NCKAP5: variants seen among roughly 807,000 people sequenced by gnomAD.
The protein encoded by NCKAP5 is NCK associated protein 5.
NCKAP5 carries 92 observed loss-of-function variants against 167.0 expected under a neutral mutation model. That is an observed-to-expected ratio of 0.55 (90% CI 0.47 to 0.66). NCKAP5 has a LOEUF of 0.66. Among genes scored for constraint, NCKAP5 ranks in the 30% least tolerant of loss-of-function variants. The pLI is 0.00. For synonymous variants in NCKAP5, 891 were observed against 877.4 expected, an observed-to-expected ratio of 1.02 and a Z score of -0.27; for missense variants, 2,378 against 2,315.0, an observed-to-expected ratio of 1.03 and a Z score of -0.56.
At chr2:133,569,689 A>G (rs911181069), upstream of NCKAP5, among the ~76,000 whole-genome samples, 2 of 152,172 alleles carry the variant, frequency 1.3e-5, no homozygotes, top group Non-Finnish European at 2.9e-5. Context: ...CAATGACCTC[A>G]CATCTCACTA....
At chr2:133,551,276 G>A (rs1397149855) in intron 2 of NCKAP5, among the ~76,000 whole-genome samples, 59 of 150,636 alleles carry the variant, frequency 3.9e-4, no homozygotes, top group Non-Finnish European at 5.6e-4. Context: ...AAAAGAGCCC[G>A]CATCACCAAG....
chr2:133,384,704 C>G (rs1686800127), intron 3 of NCKAP5, among the ~76,000 whole-genome samples: 2 of 152,168 alleles, frequency 1.3e-5, no homozygotes, highest in African/African-American at 4.8e-5. Flanking sequence ...AATGTTCTTC[C>G]ATTTGTTTGT....
chr2:133,047,624 T>C (rs1009335703), intron 6 of NCKAP5, among the ~76,000 whole-genome samples: 1 of 152,242 alleles, frequency 6.6e-6, no homozygotes, highest in African/African-American at 2.4e-5. Context: ...ATGATAATGA[T>C]GTAAATGCAG....
At chr2:132,743,571 T>C (rs1679389254) in intron 16 of NCKAP5, among the ~76,000 whole-genome samples, 1 of 151,020 alleles carries the variant, frequency 6.6e-6, no homozygotes, top group African/African-American at 2.4e-5. Flanking sequence ...CAAGAGGAAA[T>C]AAAGCAGAAT....
At chr2:133,153,627 A>T (rs573756049) in intron 5 of NCKAP5, among the ~76,000 whole-genome samples, 1 of 151,964 alleles carries the variant, frequency 6.6e-6, no homozygotes. Flanking sequence ...CAGGCATACA[A>T]CATAAAGCCC....
intron 17 of NCKAP5, among the ~76,000 whole-genome samples, chr2:132,730,769 A>G (rs1477946068): frequency 6.6e-6 from 1 of 152,236 alleles, no homozygotes; most frequent in Non-Finnish European, 1.5e-5. Context: ...TTAATTAACA[A>G]CACATTTATC....
chr2:132,893,869 G>A (rs963114314), intron 8 of NCKAP5, among the ~76,000 whole-genome samples: 4 of 152,022 alleles, frequency 2.6e-5, no homozygotes, highest in Non-Finnish European at 1.5e-5. Context: ...GCAGTCTTCT[G>A]TAAACATATT....
intron 18 of NCKAP5, among the ~76,000 whole-genome samples, chr2:132,727,874 T>A (rs13430697): frequency 0.2 from 30,700 of 152,184 alleles, 3,652 homozygotes; most frequent in Non-Finnish European, 0.28. Flanking sequence ...AGGCAGATGC[T>A]CAAGGTTGAA....
chr2:133,208,261 C>T (rs1366294071), intron 5 of NCKAP5, among the ~76,000 whole-genome samples: 1 of 152,102 alleles, frequency 6.6e-6, no homozygotes, highest in Non-Finnish European at 1.5e-5. Context: ...AACTCTTGAG[C>T]CCGGCAGGAG....
intron 8 of NCKAP5, among the ~76,000 whole-genome samples, chr2:132,955,358 T>G (rs528111967): frequency 6.6e-6 from 1 of 152,150 alleles, no homozygotes; most frequent in Admixed American, 6.5e-5. Flanking sequence ...TGGGCACATG[T>G]GGGAAGGGCC....
At chr2:132,909,014 G>T (rs1053501570) in intron 8 of NCKAP5, among the ~76,000 whole-genome samples, 2 of 152,078 alleles carry the variant, frequency 1.3e-5, no homozygotes, top group Non-Finnish European at 2.9e-5. Flanking sequence ...TCAACTTATG[G>T]CAATCTCACG....
intron 16 of NCKAP5, among the ~76,000 whole-genome samples, chr2:132,761,434 A>G (rs1216569694): frequency 6.6e-6 from 1 of 152,252 alleles, no homozygotes; most frequent in Non-Finnish European, 1.5e-5. Flanking sequence ...CGCATGCCCC[A>G]TGGGCAAATG....
At chr2:133,237,760 G>A (rs2087492010) in intron 4 of NCKAP5, among the ~76,000 whole-genome samples, 1 of 152,166 alleles carries the variant, frequency 6.6e-6, no homozygotes, top group African/African-American at 2.4e-5. Context: ...GGCTCCTCCT[G>A]GGGACACACT....
chr2:132,859,276 C>T lies in NCKAP5; in HGVS notation c.807+1216G>A, dbSNP rs544421535. Among the ~76,000 whole-genome samples the T allele has an allele frequency of 1.7e-3, 260 of 152,102 alleles. 1 individual carries two copies. Among genetic ancestry groups the T allele is most frequent in the African/African-American group, 5.1e-3 (210 of 41,504 alleles). On this transcript the variant is annotated intron_variant, in intron 11 of 19. Coordinates refer to ENST00000409261, the MANE Select transcript of NCKAP5 (RefSeq NM_207363.3). Reference sequence around the variant, plus strand: ...AATTACATTTTGATGTTCAGCTTACCGAACATCTTTCTTTCTCTGAAATGA... The same window carrying T: ...AATTACATTTTGATGTTCAGCTTACTGAACATCTTTCTTTCTCTGAAATGA...
At chr2:133,602,860 C>G in the NCKAP5 span, among the ~76,000 whole-genome samples, 1 of 152,156 alleles carries the variant, frequency 6.6e-6, no homozygotes, top group South Asian at 2.1e-4. Flanking sequence ...AGGAGGAACA[C>G]AACTTTGAGA....
At chr2:132,745,350 A>G (rs1420491173) in intron 16 of NCKAP5, among the ~76,000 whole-genome samples, 1 of 151,722 alleles carries the variant, frequency 6.6e-6, no homozygotes, top group East Asian at 1.9e-4. Context: ...CTCAAAATAC[A>G]TAGAAAAAAT....
chr2:133,016,523 T>G (rs914397075), intron 6 of NCKAP5, among the ~76,000 whole-genome samples: 1 of 152,156 alleles, frequency 6.6e-6, no homozygotes, highest in Admixed American at 6.5e-5. Context: ...TCTAAATAAA[T>G]ATAATACAAA....
At chr2:133,289,307 C>T (rs912952007) in intron 4 of NCKAP5, among the ~76,000 whole-genome samples, 76 of 152,184 alleles carry the variant, frequency 5.0e-4, no homozygotes, top group African/African-American at 1.8e-3. Flanking sequence ...TGGTTCTTCC[C>T]TTTTTCATCT....
chr2:132,867,526 T>C (rs1690453212), intron 10 of NCKAP5, among the ~76,000 whole-genome samples: 1 of 152,168 alleles, frequency 6.6e-6, no homozygotes, highest in African/African-American at 2.4e-5. Flanking sequence ...TATGTAGTAA[T>C]GTATGAAAGC....
Sources: gnomAD v4.1 joint callset for allele counts (sites outside exome capture counted in the v4.1 genomes callset) on GRCh38, gnomAD v4.1.1 for gene constraint, MANE v1.5 for transcripts, NCBI Gene and HGNC (gene_info 2026-07-23, HGNC 2026-07-21) for gene names.